The following TMEM184B variants were observed in gnomAD, a reference collection of about 807,000 sequenced individuals.
TMEM184B encodes putative MAPK-activating protein FM08.
TMEM184B carries 17 observed loss-of-function variants against 41.8 expected under a neutral mutation model. The observed-to-expected ratio is 0.41, with a 90% CI of 0.28 to 0.61. The LOEUF (loss-of-function observed/expected upper bound fraction) is 0.61, where lower values mean the gene tolerates loss of function less well. TMEM184B is among the 20% of genes least tolerant of loss of function. The probability of loss-of-function intolerance (pLI) is 0.34; values close to 1 mark genes in which losing one functional copy is unlikely to be tolerated. For missense variants in TMEM184B, 393 were observed against 557.8 expected (o/e 0.70, Z 2.98); for synonymous variants, 240 against 229.5 (o/e 1.05, Z -0.41).
chr22:38,217,113 G>A (rs2146029445), downstream of TMEM184B, among the ~76,000 whole-genome samples: 1 of 151,262 alleles, frequency 6.6e-6, no homozygotes, highest in East Asian at 2.0e-4. Flanking sequence ...GATCATTTGA[G>A]GTCAGGAGTT....
intron 3 of TMEM184B, among the ~76,000 whole-genome samples, chr22:38,237,276 G>A (rs918180346): frequency 1.3e-5 from 2 of 152,180 alleles, no homozygotes; most frequent in Non-Finnish European, 2.9e-5. Context: ...AAGAGCCCCC[G>A]GGCTTTGAGA....
intron 1 of TMEM184B, among the ~76,000 whole-genome samples, chr22:38,267,583 C>T (rs775335999): frequency 2.0e-5 from 3 of 152,070 alleles, no homozygotes; most frequent in Non-Finnish European, 4.4e-5. Flanking sequence ...CAGGCACATG[C>T]CACCACACCT....
At chr22:38,230,526 C>A (rs2091581867) in intron 5 of TMEM184B, 143 bp downstream of exon 5, 2 of 763,660 alleles carry the variant, frequency 2.6e-6, no homozygotes, top group Non-Finnish European at 4.3e-6. Context: ...ATCTGCCTAA[C>A]AGCTTCGGGG....
chr22:38,233,492 C>T (rs2091689347), intron 3 of TMEM184B, among the ~76,000 whole-genome samples: 1 of 152,202 alleles, frequency 6.6e-6, no homozygotes. Flanking sequence ...GGGCCAGGAG[C>T]CCCTAGACAG....
intron 4 of TMEM184B, 152 bp from the exon 5 acceptor site, chr22:38,230,896 G>C (rs913764783): frequency 2.7e-6 from 2 of 749,832 alleles, no homozygotes; most frequent in Non-Finnish European, 4.5e-6. Context: ...CACAGGGAGA[G>C]GCATGGCAGG....
intron 5 of TMEM184B, among the ~76,000 whole-genome samples, 190 bp downstream of exon 5, chr22:38,230,479 G>A (rs1385282997): frequency 2.6e-5 from 4 of 152,192 alleles, no homozygotes; most frequent in East Asian, 1.9e-4. Context: ...CCAGGATGTC[G>A]GTCGCTGCCC....
At chr22:38,252,630 G>A (rs961703669) in intron 1 of TMEM184B, among the ~76,000 whole-genome samples, 1 of 152,136 alleles carries the variant, frequency 6.6e-6, no homozygotes. Context: ...AGCAAGCATC[G>A]GGCTTGGGCA....
At chr22:38,240,210 G>T (rs2091873188) in intron 3 of TMEM184B, among the ~76,000 whole-genome samples, 1 of 152,042 alleles carries the variant, frequency 6.6e-6, no homozygotes, top group African/African-American at 2.4e-5. Context: ...AAGAGATAGA[G>T]ACAATGTAGG....
chr22:38,266,244 G>A (rs2145783487), intron 1 of TMEM184B, among the ~76,000 whole-genome samples: 1 of 152,352 alleles, frequency 6.6e-6, no homozygotes, highest in Non-Finnish European at 1.5e-5. Context: ...TGGAAAAGAA[G>A]CAACAGGCAC....
At chr22:38,266,859 G>A (rs2092450506) in intron 1 of TMEM184B, among the ~76,000 whole-genome samples, 1 of 152,136 alleles carries the variant, frequency 6.6e-6, no homozygotes, top group African/African-American at 2.4e-5. Context: ...CGAGGCGGGT[G>A]GATCAAGAGG....
Position 38,226,880 on chromosome 22 carries a change from G to A in TMEM184B, c.526-10C>T. On this transcript the variant is annotated splice_polypyrimidine_tract_variant and intron_variant, in intron 5 of 8. Transcript: ENST00000361906. The surrounding 1 kb of genome is among the most constrained non-coding windows in gnomAD (Gnocchi z 4.6). ...AGAACTGCAGGGTGGCCTGTTGGGGGGAAAAGGAGGTTGAGTGTGGAGGAG... is the reference window on the plus strand; with the variant it reads ...AGAACTGCAGGGTGGCCTGTTGGGGAGAAAAGGAGGTTGAGTGTGGAGGAG... The A allele has an allele frequency of 2.5e-6, 4 of 1,577,444 alleles. No homozygotes were observed. Among genetic ancestry groups the A allele is most frequent in the Non-Finnish European group, 3.4e-6 (4 of 1,161,760 alleles).
chr22:38,257,386 C>CG lies in TMEM184B; in HGVS notation c.-58-9368dup, dbSNP rs2092299622. Among the ~76,000 whole-genome samples the CG allele has an allele frequency of 2.0e-5, 3 of 152,136 alleles. No homozygotes were observed. In the South Asian group the frequency reaches 6.2e-4, roughly 32 times the overall value. On this transcript the variant is annotated intron_variant, in intron 1 of 8. Coordinates refer to ENST00000361906, the MANE Select transcript of TMEM184B (RefSeq NM_012264.5). ...ACAAATCCTTTGCATACTCAGTGGA[C>CG]GGGATGGAAAAATGAGTAACCCGAT... is the stretch of plus-strand genomic sequence containing the variant.
At chr22:38,256,464 C>T (rs2092281132) in intron 1 of TMEM184B, among the ~76,000 whole-genome samples, 1 of 151,614 alleles carries the variant, frequency 6.6e-6, no homozygotes, top group Non-Finnish European at 1.5e-5. Flanking sequence ...CTCCTGACCT[C>T]GTGATCCTCC....
chr22:38,252,887 A>C (rs1161303975), intron 1 of TMEM184B, among the ~76,000 whole-genome samples: 1 of 152,246 alleles, frequency 6.6e-6, no homozygotes, highest in Non-Finnish European at 1.5e-5. Context: ...TCACGCCTGT[A>C]ATCCTAGCAC....
chr22:38,246,540 G>A (rs1352679020), intron 2 of TMEM184B: 2 of 267,314 alleles, frequency 7.5e-6, no homozygotes, highest in Non-Finnish European at 1.5e-5. Flanking sequence ...CTGCCACCTG[G>A]GTTGCAGCCT....
chr22:38,228,337 A>C (rs2091507370), intron 5 of TMEM184B, among the ~76,000 whole-genome samples: 1 of 152,206 alleles, frequency 6.6e-6, no homozygotes. Context: ...TACTCATGAC[A>C]GCCCCCTGAC....
chr22:38,242,194 TTGGTG>T, intron 3 of TMEM184B, among the ~76,000 whole-genome samples: 1 of 151,592 alleles, frequency 6.6e-6, no homozygotes, highest in Middle Eastern at 3.4e-3. Flanking sequence ...AGGGCCAGGC[TTGGTG>T]GCTCACGCCT....
intron 8 of TMEM184B, chr22:38,222,556 G>C: frequency 1.0e-6 from 1 of 982,220 alleles, no homozygotes; most frequent in Non-Finnish European, 1.2e-6. Context: ...TGAGGACACG[G>C]AGAAGAGCTA....
chr22:38,264,405 T>C (rs135714), intron 1 of TMEM184B, among the ~76,000 whole-genome samples: 49,913 of 148,838 alleles, frequency 0.34, 8,940 homozygotes, highest in Middle Eastern at 0.49. Flanking sequence ...GCAGGCCAGG[T>C]GGGAGGGGGT....
Sources: gnomAD v4.1 joint callset for allele counts (sites outside exome capture counted in the v4.1 genomes callset) on GRCh38, gnomAD v4.1.1 for gene constraint, Gnocchi (gnomAD v3.1) non-coding constraint, MANE v1.5 for transcripts, NCBI Gene and HGNC (gene_info 2026-07-23, HGNC 2026-07-21) for gene names.